The following DIP2A variants were observed in gnomAD, a reference collection of about 807,000 sequenced individuals.
DIP2A encodes the protein DIP2 acetate--CoA ligase A, also known as disco-interacting protein 2 homolog A.
Under a neutral mutation model 177.4 loss-of-function variants are expected in DIP2A, and 85 were observed. The ratio of observed to expected loss-of-function variants is 0.48; its 90% CI spans 0.40 to 0.57. The LOEUF is 0.57. Ranked by LOEUF, DIP2A falls within the 20% of genes least tolerant of loss-of-function variation. The pLI is 0.00. For synonymous variants in DIP2A, 886 were observed against 881.8 expected (o/e 1.00, Z -0.08); for missense variants, 1,791 against 2,100.2 (o/e 0.85, Z 2.88).
intron 8 of DIP2A, among the ~76,000 whole-genome samples, chr21:46,519,716 A>T (rs1161334761): frequency 6.6e-6 from 1 of 152,158 alleles, no homozygotes; most frequent in Non-Finnish European, 1.5e-5. Flanking sequence ...AATATATTCC[A>T]CAACAGTAAA....
chr21:46,558,003 G>A (rs2060527577), intron 31 of DIP2A, among the ~76,000 whole-genome samples: 1 of 152,220 alleles, frequency 6.6e-6, no homozygotes, highest in African/African-American at 2.4e-5. Flanking sequence ...CGGGGTGGAA[G>A]TCTGGCCGCG....
At chr21:46,479,556 C>T (rs1393073551) in intron 1 of DIP2A, among the ~76,000 whole-genome samples, 2 of 152,192 alleles carry the variant, frequency 1.3e-5, no homozygotes, top group East Asian at 1.9e-4. Flanking sequence ...TTTAAGGTCT[C>T]ATTCTGCTAT....
chr21:46,548,223 C>T lies in DIP2A; in HGVS notation c.2522+1181C>T, dbSNP rs539370955. Among the ~76,000 whole-genome samples, 74 of 151,726 alleles carry T rather than the reference C, an allele frequency of 4.9e-4. 1 individual carries two copies. The highest frequency in any genetic ancestry group is 4.6e-3 in the Admixed American group (70 of 15,250). ...GTGTGTGTGTGTTTGTGTGCGCCTG[C>T]GTGCAGGGGGAGGGTGGCACAGCCA... On this transcript the variant is annotated intron_variant, in intron 21 of 37. Coordinates refer to ENST00000417564, the MANE Select transcript of DIP2A (RefSeq NM_015151.4).
chr21:46,483,099 C>T (rs561481333), intron 1 of DIP2A, among the ~76,000 whole-genome samples: 3 of 152,002 alleles, frequency 2.0e-5, no homozygotes, highest in South Asian at 2.1e-4. Flanking sequence ...AAGGGGTACC[C>T]GGGTCAGTGC....
At chr21:46,466,661 T>A (rs546631165) in intron 1 of DIP2A, among the ~76,000 whole-genome samples, 13 of 152,006 alleles carry the variant, frequency 8.6e-5, no homozygotes, top group African/African-American at 2.9e-4. Flanking sequence ...TTTTTTTTTT[T>A]AAGAGACTCC....
At chr21:46,507,224 C>T (rs772830703) in intron 6 of DIP2A, among the ~76,000 whole-genome samples, 4 of 152,116 alleles carry the variant, frequency 2.6e-5, no homozygotes, top group Non-Finnish European at 5.9e-5. Context: ...ATTTTTATGA[C>T]ATTCAGTTTA....
chr21:46,561,910 T>G, intron 34 of DIP2A, 105 bp downstream of exon 34: 1 of 1,522,792 alleles, frequency 6.6e-7, no homozygotes, highest in South Asian at 1.3e-5. Flanking sequence ...TGAACACAGG[T>G]CGACTTCTGG....
At chr21:46,471,487 T>G (rs1223671300) in intron 1 of DIP2A, among the ~76,000 whole-genome samples, 3 of 152,208 alleles carry the variant, frequency 2.0e-5, no homozygotes, top group Non-Finnish European at 4.4e-5. Flanking sequence ...TGCTGTGCAG[T>G]GAGCTTGCTT....
chr21:46,539,067 C>T (rs1332188096), intron 16 of DIP2A: 2 of 186,228 alleles, frequency 1.1e-5, no homozygotes, highest in African/African-American at 4.8e-5. Context: ...GCTGCCTGAC[C>T]ACGTAGGGCC....
At chr21:46,533,327 T>C (rs1338830783) in intron 10 of DIP2A, among the ~76,000 whole-genome samples, 197 bp from the exon 11 acceptor site, 2 of 152,268 alleles carry the variant, frequency 1.3e-5, no homozygotes, top group African/African-American at 4.8e-5. Context: ...CTTTTAAATT[T>C]AAACATAGTT....
At chr21:46,576,664 G>A in the DIP2A span, among the ~76,000 whole-genome samples, 1 of 152,098 alleles carries the variant, frequency 6.6e-6, no homozygotes, top group Non-Finnish European at 1.5e-5. Flanking sequence ...TGGGTCAAAT[G>A]GTATTTCTGG....
intron 5 of DIP2A, among the ~76,000 whole-genome samples, chr21:46,503,611 C>T (rs113463233): frequency 7.9e-4 from 102 of 128,650 alleles, no homozygotes; most frequent in South Asian, 1.9e-3. Flanking sequence ...TTCCTTCCTT[C>T]CTTTCTTTCT....
rs1207842729 is a variant in DIP2A, at chr21:46,468,261, C to CAAAA, written c.91+9056_91+9059dup. ...AGCCTGGGTGACAGTGAGACTGTCT[C>CAAAA]AAAAAAAAAAAAAAAAAAAAGCTGG... On this transcript the variant is annotated intron_variant, in intron 1 of 37. Coordinates refer to ENST00000417564, the MANE Select transcript of DIP2A (RefSeq NM_015151.4). Among the ~76,000 whole-genome samples the CAAAA allele has an allele frequency of 1.8e-4, 16 of 87,780 alleles. 1 individual carries two copies. Among genetic ancestry groups the CAAAA allele is most frequent in the East Asian group, 3.3e-4 (1 of 2,998 alleles). 57.6% of individuals were successfully genotyped at this position (87,780 alleles called of 152,430 possible).
At chr21:46,476,927 G>A (rs2055897002) in intron 1 of DIP2A, among the ~76,000 whole-genome samples, 1 of 152,192 alleles carries the variant, frequency 6.6e-6, no homozygotes, top group South Asian at 2.1e-4. Context: ...AAAGTGCTGA[G>A]ATTACAGGCG....
intron 33 of DIP2A, chr21:46,560,988 T>A (rs1387584789): frequency 1.0e-6 from 1 of 985,320 alleles, no homozygotes; most frequent in Admixed American, 6.1e-5. Flanking sequence ...GAGAGCTGTG[T>A]GCCCCACTCC....
chr21:46,480,051 G>A (rs1403442172), intron 1 of DIP2A, among the ~76,000 whole-genome samples: 1 of 142,408 alleles, frequency 7.0e-6, no homozygotes, highest in African/African-American at 2.6e-5. Flanking sequence ...CTTGGAGACT[G>A]CCTGTATTTT....
chr21:46,529,333 C>T, intron 9 of DIP2A, 150 bp downstream of exon 9: 2 of 585,832 alleles, frequency 3.4e-6, no homozygotes, highest in Admixed American at 3.6e-5. Flanking sequence ...GGTGCGGTGG[C>T]TCATGCCTGT....
chr21:46,511,690 C>T lies in DIP2A; in HGVS notation c.1102+76C>T, dbSNP rs1051571091. The T allele has an allele frequency of 1.3e-5, 17 of 1,348,814 alleles. No individual in the cohort carries two copies. The African/African-American group carries it at 2.4e-4, about 19-fold the overall frequency. The allele number at this position is 1,348,814 out of a possible 1,614,324, so 83.6% of individuals were successfully genotyped here. A position where few individuals can be genotyped will look rare whatever the true frequency, so the allele number is the denominator to read the frequency against. ...ACACACATAACACAGCATAGACATACAGCTTGATAAATATTCCTGAGAAAC... is the reference window on the plus strand; with the variant it reads ...ACACACATAACACAGCATAGACATATAGCTTGATAAATATTCCTGAGAAAC... On this transcript the variant is annotated intron_variant, in intron 8 of 37. Transcript: ENST00000417564.
chr21:46,546,120 G>T, intron 20 of DIP2A, 159 bp downstream of exon 20: 1 of 1,472,032 alleles, frequency 6.8e-7, no homozygotes, highest in Admixed American at 2.1e-5. Flanking sequence ...CCCTACCTGT[G>T]TGCAGGGCCA....
Sources: gnomAD v4.1 joint callset for allele counts (sites outside exome capture counted in the v4.1 genomes callset) on GRCh38, gnomAD v4.1.1 for gene constraint, MANE v1.5 for transcripts, NCBI Gene and HGNC (gene_info 2026-07-23, HGNC 2026-07-21) for gene names.